SCAPER: variants seen among roughly 807,000 people sequenced by gnomAD.
SCAPER encodes S phase cyclin A-associated protein in the endoplasmic reticulum.
In SCAPER, 98 loss-of-function variants were observed where a neutral mutation model predicts 182.2. The ratio of observed to expected loss-of-function variants is 0.54; its 90% confidence interval spans 0.46 to 0.64. The LOEUF (loss-of-function observed/expected upper bound fraction) is 0.64, where lower values mean the gene tolerates loss of function less well. Among genes scored for constraint, SCAPER ranks in the 30% least tolerant of loss-of-function variants. SCAPER has a pLI of 0.00. For missense variants in SCAPER, 1,432 were observed against 1,690.0 expected, an observed-to-expected ratio of 0.85 and a Z score of 2.68; for synonymous variants, 605 against 564.6, an observed-to-expected ratio of 1.07 and a Z score of -1.01.
rs1597211998 is a variant in SCAPER at position 76,528,186 on chromosome 15, G to C, written c.2839-23212C>G. On this transcript the variant is annotated intron_variant, in intron 23 of 31. Transcript: ENST00000563290. ...GTGGGCAACTGAAAACAGGCAGTGG[G>C]CCAGATTTGGTCCATGGGCTATAGT... Among the ~76,000 whole-genome samples the C allele has an allele frequency of 2.0e-5, 3 of 152,256 alleles. No individual in the cohort carries two copies. In the South Asian group the frequency reaches 6.2e-4, roughly 32 times the overall value.
intron 22 of SCAPER, among the ~76,000 whole-genome samples, chr15:76,575,465 C>T (rs542063704): frequency 6.6e-6 from 1 of 152,330 alleles, no homozygotes; most frequent in East Asian, 1.9e-4. Context: ...AAAATTTTCA[C>T]TTTCGGCCAT....
intron 17 of SCAPER, among the ~76,000 whole-genome samples, chr15:76,718,716 T>A (rs147004035): frequency 6.6e-6 from 1 of 151,466 alleles, no homozygotes; most frequent in Non-Finnish European, 1.5e-5. Flanking sequence ...AACTCAATAG[T>A]AGAAAAACAA....
intron 2 of SCAPER, among the ~76,000 whole-genome samples, chr15:76,873,295 AAGGAAG>A (rs2151924021): frequency 2.7e-5 from 2 of 74,968 alleles, no homozygotes; most frequent in South Asian, 1.2e-3. Context: ...GGAAGGAAGG[AAGGAAG>A]GAAGGAAGGA....
intron 25 of SCAPER, among the ~76,000 whole-genome samples, chr15:76,460,140 C>A (rs979232265): frequency 3.6e-4 from 55 of 151,992 alleles, no homozygotes; most frequent in African/African-American, 1.2e-3. Context: ...AGGGATTGCA[C>A]TAAATCTGTA....
chr15:76,550,215 C>A (rs559582886), intron 23 of SCAPER, among the ~76,000 whole-genome samples: 1 of 152,078 alleles, frequency 6.6e-6, no homozygotes, highest in Non-Finnish European at 1.5e-5. Context: ...TTTTAAGTTT[C>A]AGGATACATG....
chr15:76,575,188 G>T (rs971593754), intron 22 of SCAPER, among the ~76,000 whole-genome samples: 2 of 152,058 alleles, frequency 1.3e-5, no homozygotes, highest in African/African-American at 4.8e-5. Context: ...TCTTTAGCTG[G>T]ATTAATGAAA....
At chr15:76,579,985 A>G (rs1178457839) in intron 22 of SCAPER, among the ~76,000 whole-genome samples, 1 of 152,336 alleles carries the variant, frequency 6.6e-6, no homozygotes, top group African/African-American at 2.4e-5. Context: ...AATTATAAAT[A>G]TATATGCACC....
At chr15:76,758,914 T>C (rs373008514) in intron 14 of SCAPER, among the ~76,000 whole-genome samples, 1 of 152,026 alleles carries the variant, frequency 6.6e-6, no homozygotes. Flanking sequence ...ACCCCACTGA[T>C]TCTTAAGCAT....
At chr15:76,435,365 T>A (rs546841467) in intron 25 of SCAPER, among the ~76,000 whole-genome samples, 16 of 152,374 alleles carry the variant, frequency 1.1e-4, no homozygotes, top group African/African-American at 3.8e-4. Context: ...GATAATCATT[T>A]TTCCCTATAT....
chr15:76,774,191 G>C (rs1009875928), intron 9 of SCAPER, among the ~76,000 whole-genome samples: 3 of 151,598 alleles, frequency 2.0e-5, no homozygotes, highest in Admixed American at 1.3e-4. Context: ...CTCTAGATGT[G>C]ACACTAAGGA....
At chr15:76,480,729 C>T (rs942582866) in intron 24 of SCAPER, among the ~76,000 whole-genome samples, 1 of 152,108 alleles carries the variant, frequency 6.6e-6, no homozygotes, top group Admixed American at 6.6e-5. Flanking sequence ...ACATTCTCCA[C>T]TATTCTACTT....
chr15:76,480,974 G>A (rs1320751160), intron 24 of SCAPER, among the ~76,000 whole-genome samples: 3 of 152,016 alleles, frequency 2.0e-5, no homozygotes, highest in East Asian at 3.9e-4. Context: ...CTTGTGATCC[G>A]CCCGGCTCGG....
At chr15:76,807,051 G>A (rs1568199007) in intron 5 of SCAPER, among the ~76,000 whole-genome samples, 2 of 152,038 alleles carry the variant, frequency 1.3e-5, no homozygotes, top group Non-Finnish European at 2.9e-5. Context: ...TTTCTATTAT[G>A]TTTTCTTGTC....
At chr15:76,671,547 A>T (rs994554438) in intron 20 of SCAPER, among the ~76,000 whole-genome samples, 3 of 152,164 alleles carry the variant, frequency 2.0e-5, no homozygotes, top group Non-Finnish European at 4.4e-5. Context: ...AGGTGGGCAG[A>T]TCACAAGGTC....
At chr15:76,514,457 C>T (rs1169314910) in intron 23 of SCAPER, among the ~76,000 whole-genome samples, 3 of 152,186 alleles carry the variant, frequency 2.0e-5, no homozygotes, top group Non-Finnish European at 4.4e-5. Flanking sequence ...CTGTTATTAC[C>T]TCTCCCAATC....
chr15:76,610,520 C>G (rs972405467), intron 22 of SCAPER, among the ~76,000 whole-genome samples: 1 of 152,078 alleles, frequency 6.6e-6, no homozygotes, highest in East Asian at 1.9e-4. Context: ...AAATCACACA[C>G]AAAGAAAACC....
intron 5 of SCAPER, among the ~76,000 whole-genome samples, chr15:76,822,290 C>T (rs763748210): frequency 5.3e-5 from 8 of 151,978 alleles, no homozygotes; most frequent in Non-Finnish European, 1.0e-4. Flanking sequence ...CTCTACCTTC[C>T]TCTTAATTTT....
At chr15:76,365,602 T>C (rs1321561133) in intron 29 of SCAPER, among the ~76,000 whole-genome samples, 3 of 152,242 alleles carry the variant, frequency 2.0e-5, no homozygotes, top group African/African-American at 7.2e-5. Context: ...AACACTGACC[T>C]TGTAAATTAT....
intron 20 of SCAPER, among the ~76,000 whole-genome samples, chr15:76,682,319 G>C (rs1220926771): frequency 1.4e-5 from 2 of 142,832 alleles, no homozygotes; most frequent in Non-Finnish European, 3.0e-5. Flanking sequence ...TGCCACTGCT[G>C]CTGGCACAAG....
Sources: gnomAD v4.1 joint callset for allele counts (sites outside exome capture counted in the v4.1 genomes callset) on GRCh38, gnomAD v4.1.1 for gene constraint, MANE v1.5 for transcripts, NCBI Gene and HGNC (gene_info 2026-07-23, HGNC 2026-07-21) for gene names.